The following ITGA5 variants were observed in gnomAD, a reference collection of about 807,000 sequenced individuals.
ITGA5 encodes integrin subunit alpha 5, also known as integrin alpha-5.
A neutral mutation model predicts 146.3 loss-of-function variants in ITGA5; 55 were observed. That is an observed-to-expected ratio of 0.38 (90% CI 0.30 to 0.47). The LOEUF is 0.47. Among genes scored for constraint, ITGA5 ranks in the 20% least tolerant of loss-of-function variants. The pLI is 0.99. For synonymous variants in ITGA5, 500 were observed against 531.8 expected (o/e 0.94, Z 0.82); for missense variants, 1,131 against 1,329.0 (o/e 0.85, Z 2.32).
Position 54,409,366 on chromosome 12 carries a change from G to T in ITGA5, c.463-14C>A. 1 of 1,610,946 alleles carries T rather than the reference G, an allele frequency of 6.2e-7. No individual in the cohort carries two copies. The highest frequency in any genetic ancestry group is 1.1e-5 in the South Asian group (1 of 90,834). On this transcript the variant is annotated splice_polypyrimidine_tract_variant and intron_variant, in intron 3 of 29. Transcript: ENST00000293379. This position sits in a 1 kb window ranked among gnomAD's most constrained non-coding sequence, Gnocchi z 4.7. ...TGGAGCGCATGCCTGGGAGGGCCCA[G>T]GAGGAGGGGCCTTCAGATTCAGTCC...
rs757883584 is a variant in ITGA5 at position 54,404,754 on chromosome 12, A to G, written c.1366T>C (p.Phe456Leu). The change falls in exon 13 of 30, where the codon TTT (phenylalanine) becomes CTT (leucine). Residue 456 changes from phenylalanine to leucine, a missense_variant. Phe to Leu is a conservative substitution (Grantham distance 22). Coordinates refer to ENST00000293379, the MANE Select transcript of ITGA5 (RefSeq NM_002205.5). The part of the protein sequence containing the change: ...LWAASHTPDF[F>L]GSALRGGRDL... ...CGGCCTCCTCGAAGGGCAGAGCCAA[A>G]GAAGTCTGGGGTGTGGCTGGCTGCC... is the stretch of plus-strand genomic sequence containing the variant. 1.9e-6 allele frequency: 3 copies of G among 1,614,042 alleles called. No individual in the cohort carries two copies. The South Asian group carries it at 3.3e-5, about 18-fold the overall frequency.
intron 29 of ITGA5, 144 bp downstream of exon 29, chr12:54,397,221 G>A: frequency 1.3e-6 from 1 of 796,454 alleles, no homozygotes; most frequent in Admixed American, 2.3e-5. Context: ...TATAGGAAGG[G>A]TTAGGATGGG....
chr12:54,405,229 C>T lies in ITGA5; in HGVS notation c.1162G>A (p.Glu388Lys), dbSNP rs1955847789. 1.2e-6 allele frequency: 2 copies of T among 1,613,216 alleles called. No homozygotes were observed. The highest frequency in any genetic ancestry group is 1.7e-6 in the Non-Finnish European group (2 of 1,179,442). Reference sequence around the variant, plus strand: ...AAGGAGCTGCCAAATCGGCCAAACTCATCATGGCCAGTGAGGGTAAGGGTG... The same window carrying T: ...AAGGAGCTGCCAAATCGGCCAAACTTATCATGGCCAGTGAGGGTAAGGGTG... The part of the protein sequence containing the change: ...TPTLTLTGHD[E>K]FGRFGSSLTP... Residue 388 changes from glutamate (E) to lysine (K), a missense_variant, in exon 12 of 30, where the codon GAG (glutamate) becomes AAG (lysine). Glu to Lys is a moderately conservative substitution (Grantham distance 56, BLOSUM62 1). Coordinates refer to ENST00000293379, the MANE Select transcript of ITGA5 (RefSeq NM_002205.5).
At chr12:54,399,326 T>C (rs754333315) in intron 27 of ITGA5, among the ~76,000 whole-genome samples, 4 of 152,188 alleles carry the variant, frequency 2.6e-5, no homozygotes, top group Non-Finnish European at 5.9e-5. Context: ...TGACTGCTCT[T>C]TACTATTCCT....
Position 54,403,231 on chromosome 12 carries a change from T to C in ITGA5, c.1870A>G (p.Arg624Gly). 1 of 1,569,058 alleles carries C rather than the reference T, an allele frequency of 6.4e-7. No individual in the cohort carries two copies. Among genetic ancestry groups the C allele is most frequent in the Non-Finnish European group, 8.6e-7 (1 of 1,159,110 alleles). Residue 624 changes from arginine (R) to glycine (G), a missense_variant, in exon 18 of 30, where the codon AGG (arginine) becomes GGG (glycine). Transcript: ENST00000293379. The surrounding 1 kb of genome is among the most constrained non-coding windows in gnomAD (Gnocchi z 4.9). ...PQAPVDSHGL[R>G]PALHYQSKSR... is the part of the protein sequence containing the mutation. ...TTGCTCTGATAATGTAGGGCTGGCCTGAGGCCGTGGCTGTCCACTGGGGCT... is the reference window on the plus strand; with the variant it reads ...TTGCTCTGATAATGTAGGGCTGGCCCGAGGCCGTGGCTGTCCACTGGGGCT...
At position 54,401,996 on chromosome 12, in the gene ITGA5, C is replaced by A. The variant is rs776386875; in HGVS notation, c.2226+5G>T. 6.2e-7 allele frequency: 1 copy of A among 1,614,108 alleles called. No homozygotes were observed. The highest frequency in any genetic ancestry group is 8.5e-7 in the Non-Finnish European group (1 of 1,179,964). On this transcript the variant is annotated splice_donor_5th_base_variant and intron_variant, in intron 21 of 29. Transcript: ENST00000293379. The surrounding 1 kb of genome is among the most constrained non-coding windows in gnomAD (Gnocchi z 5.0). ...CTGTCCCATCCTCTTTCATCCCAAA[C>A]TTACACTGGCTCCTGCCTTCATGGG...
chr12:54,403,581 G>T lies in ITGA5; in HGVS notation c.1776+44C>A. ...CAGGAGGTGCCCTCAGTTCTGTGTG[G>T]CCACCCTCCCTGGCCAGTCCACACC... On this transcript the variant is annotated intron_variant, in intron 17 of 29. Transcript: ENST00000293379. The surrounding 1 kb of genome is among the most constrained non-coding windows in gnomAD (Gnocchi z 4.9). 1.9e-6 allele frequency: 3 copies of T among 1,581,902 alleles called. No homozygotes were observed. The highest frequency in any genetic ancestry group is 2.6e-6 in the Non-Finnish European group (3 of 1,161,746).
intron 9 of ITGA5, among the ~76,000 whole-genome samples, chr12:54,406,485 G>A (rs1664722206): frequency 6.6e-6 from 1 of 152,106 alleles, no homozygotes; most frequent in Admixed American, 6.6e-5. Flanking sequence ...CAATGTCCCT[G>A]CCTCCAGCTC....
Position 54,414,396 on chromosome 12 carries a change from G to A in ITGA5, c.219-2432C>T, listed in dbSNP as rs554876102. 5.9e-5 allele frequency among the ~76,000 whole-genome samples: 9 copies of A among 152,268 alleles called. No homozygotes were observed. The East Asian group carries it at 1.2e-3, about 20-fold the overall frequency. ...TTTTCAATATTTCAGAAAGCCTAAC[G>A]GAAATCATGCATTTACCAGATAAGG... On this transcript the variant is annotated intron_variant, in intron 1 of 29. Transcript: ENST00000293379.
rs780421842 is a variant in ITGA5, at chr12:54,403,385, C to T, written c.1777-61G>A. 1.6e-4 allele frequency: 230 copies of T among 1,476,830 alleles called. No homozygotes were observed. Among genetic ancestry groups the T allele is most frequent in the Non-Finnish European group, 2.1e-4 (227 of 1,106,646 alleles). 91.5% of individuals were successfully genotyped at this position (1,476,830 alleles called of 1,614,324 possible). A position where few individuals can be genotyped will look rare whatever the true frequency, so the allele number is the denominator to read the frequency against. ...ACTCTGGAGACTTAGTGGCCCTGCT[C>T]CTCAGCCTCTCTCATCTCCCTTTGT... is the stretch of plus-strand genomic sequence containing the variant. On this transcript the variant is annotated intron_variant, in intron 17 of 29. Transcript: ENST00000293379. This position sits in a 1 kb window ranked among gnomAD's most constrained non-coding sequence, Gnocchi z 4.9.
At position 54,409,105 on chromosome 12, in the gene ITGA5, GC is replaced by G; in HGVS notation, c.583+126del. On this transcript the variant is annotated intron_variant, in intron 4 of 29. Transcript: ENST00000293379. This position sits in a 1 kb window ranked among gnomAD's most constrained non-coding sequence, Gnocchi z 4.7. Reference sequence around the variant, plus strand: ...GCATAAAGGCTAACGAACTGGGTTAGCCTTTATCTTAAGCAACCTAGAACCT... The same window carrying G: ...GCATAAAGGCTAACGAACTGGGTTAGCTTTATCTTAAGCAACCTAGAACCT... 2 of 1,455,690 alleles carry G rather than the reference GC, an allele frequency of 1.4e-6. No individual in the cohort carries two copies. Among genetic ancestry groups the G allele is most frequent in the South Asian group, 2.5e-5 (2 of 80,044 alleles). 90.2% of individuals were successfully genotyped at this position (1,455,690 alleles called of 1,614,324 possible).
In ITGA5 at chr12:54,407,692, T is replaced by C. The variant is rs777079894; in HGVS notation, c.863A>G (p.Asp288Gly). 1 of 1,613,602 alleles carries C rather than the reference T, an allele frequency of 6.2e-7. No individual in the cohort carries two copies. Residue 288 changes from aspartate (D) to glycine (G), a missense_variant and splice_region_variant, in exon 9 of 30, where the codon GAC becomes GGC. Physicochemically the swap from Asp to Gly is moderately conservative, Grantham distance 94. Coordinates refer to ENST00000293379, the MANE Select transcript of ITGA5 (RefSeq NM_002205.5). The part of the protein sequence containing the change: ...VGEFSGDDTE[D>G]FVAGVPKGNL... ...CCCTTTGGGCACACCAGCAACAAAG[T>C]CTGCAAAGAGAAGAGAAAGTTGTGA...
chr12:54,412,158 G>A (rs113997981), intron 1 of ITGA5, among the ~76,000 whole-genome samples, 194 bp from the exon 2 acceptor site: 2,129 of 152,128 alleles, frequency 0.014, 47 homozygotes, highest in African/African-American at 0.049. Context: ...CCCATGTGCC[G>A]CTGTCACTAA....
chr12:54,413,035 G>A (rs1955966914), intron 1 of ITGA5: 1 of 152,858 alleles, frequency 6.5e-6, no homozygotes. Context: ...TTTGGTTTTT[G>A]AATCCTATCT....
chr12:54,406,792 T>C (rs1448862190), intron 9 of ITGA5, among the ~76,000 whole-genome samples: 1 of 152,196 alleles, frequency 6.6e-6, no homozygotes, highest in Non-Finnish European at 1.5e-5. Context: ...GTCCTCTTCC[T>C]TTTTAAAAAT....
At chr12:54,407,589 C>A (rs962689893) in intron 9 of ITGA5, 60 bp downstream of exon 9, 5 of 1,432,084 alleles carry the variant, frequency 3.5e-6, no homozygotes, top group Non-Finnish European at 3.9e-6. Flanking sequence ...AACTGCCATG[C>A]ACGGTTCTTT....
chr12:54,400,169 A>T (rs1955769761), intron 25 of ITGA5: 4 of 548,582 alleles, frequency 7.3e-6, no homozygotes, highest in Non-Finnish European at 6.5e-6. Context: ...GCTTAAGTAA[A>T]TAATTAGGTC....
rs751394627 is a variant in ITGA5, at chr12:54,403,342, A to G, written c.1777-18T>C. 16 of 1,507,298 alleles carry G rather than the reference A, an allele frequency of 1.1e-5. No homozygotes were observed. Among genetic ancestry groups the G allele is most frequent in the Middle Eastern group, 1.8e-4 (1 of 5,574 alleles). The allele number at this position is 1,507,298 out of a possible 1,614,324, so 93.4% of individuals were successfully genotyped here. ...GACTCGTTCTGGGGCCAGAGGAGAG[A>G]GTTCACGGAGTCAGGGGACTCTGGA... is the stretch of plus-strand genomic sequence containing the variant. On this transcript the variant is annotated intron_variant, in intron 17 of 29. Transcript: ENST00000293379. This position sits in a 1 kb window ranked among gnomAD's most constrained non-coding sequence, Gnocchi z 4.9.
rs1230399530 is a variant in ITGA5, at chr12:54,396,187, T to C, written c.*106A>G. 5.8e-6 allele frequency: 5 copies of C among 865,626 alleles called. No individual in the cohort carries two copies. In the African/African-American group the frequency reaches 8.4e-5, roughly 14 times the overall value. 53.6% of individuals were successfully genotyped at this position (865,626 alleles called of 1,614,324 possible). On this transcript the variant is annotated 3_prime_UTR_variant, in exon 30 of 30. Coordinates refer to ENST00000293379, the MANE Select transcript of ITGA5 (RefSeq NM_002205.5). Reference sequence around the variant, plus strand: ...TCTCTGGGCTGGGGAGAGGAGCTTCTCCCTGGCCGTCAGCACCTTCAAGAA... The same window carrying C: ...TCTCTGGGCTGGGGAGAGGAGCTTCCCCCTGGCCGTCAGCACCTTCAAGAA...
Sources: allele counts gnomAD v4.1 joint callset (sites outside exome capture counted in the v4.1 genomes callset), GRCh38; gene constraint gnomAD v4.1.1; non-coding constraint Gnocchi (gnomAD v3.1); transcripts MANE v1.5; gene names NCBI Gene and HGNC (gene_info 2026-07-23, HGNC 2026-07-21).